Variants in ADGRL3 observed in about 807,000 individuals in gnomAD.
ADGRL3 encodes the protein adhesion G protein-coupled receptor L3.
A neutral mutation model predicts 153.5 loss-of-function variants in ADGRL3; 62 were observed. The observed-to-expected ratio is 0.40, with a 90% CI of 0.33 to 0.50. ADGRL3 has a LOEUF of 0.50. Ranked by LOEUF, ADGRL3 falls within the 20% of genes least tolerant of loss-of-function variation. ADGRL3 has a pLI of 0.47. For missense variants in ADGRL3, 1,641 were observed against 1,859.4 expected (o/e 0.88, Z 2.16); for synonymous variants, 710 against 672.5 (o/e 1.06, Z -0.86).
At chr4:61,367,960 G>T (rs1056650776) in intron 1 of ADGRL3, among the ~76,000 whole-genome samples, 358 of 151,170 alleles carry the variant, frequency 2.4e-3, no homozygotes, top group Non-Finnish European at 4.3e-3. Flanking sequence ...TCTCATTGTG[G>T]TTTCGATTTG....
chr4:61,475,630 CTTTGT>C (rs1354563834), intron 2 of ADGRL3, among the ~76,000 whole-genome samples: 2 of 151,888 alleles, frequency 1.3e-5, no homozygotes, highest in African/African-American at 2.4e-5. Context: ...CTTACATTTT[CTTTGT>C]TTTATCAAAC....
intron 1 of ADGRL3, among the ~76,000 whole-genome samples, chr4:61,287,094 G>A (rs1578126114): frequency 2.0e-5 from 3 of 151,574 alleles, no homozygotes; most frequent in South Asian, 2.1e-4. Context: ...TCAATATGTA[G>A]AAGATTCCAT....
chr4:61,717,441 G>C (rs2096143315), intron 6 of ADGRL3, among the ~76,000 whole-genome samples: 1 of 152,030 alleles, frequency 6.6e-6, no homozygotes, highest in South Asian at 2.1e-4. Flanking sequence ...ATAAACCTTG[G>C]AGCCAGATTG....
chr4:62,070,649 C>T lies in ADGRL3; in HGVS notation c.4373C>T (p.Thr1458Ile). Residue 1458 changes from threonine (T) to isoleucine (I), a missense_variant, in exon 27 of 27, where the codon ACA (threonine) becomes ATA (isoleucine). Physicochemically the swap from Thr to Ile is moderately conservative, Grantham distance 89. This residue lies in a region of ADGRL3 where 517 missense variants were observed against 555.0 expected (regional missense o/e 0.93). Coordinates refer to ENST00000683033, the MANE Select transcript of ADGRL3 (RefSeq NM_001387552.1). ...HRDSLYTSMP[T>I]LAGVAATESV... ...GACTCTCTCTATACCAGCATGCCGA[C>T]ACTGGCTGGTGTGGCCGCCACAGAG... 1.3e-6 allele frequency: 2 copies of T among 1,551,530 alleles called. No homozygotes were observed. The highest frequency in any genetic ancestry group is 1.7e-6 in the Non-Finnish European group (2 of 1,146,972).
chr4:61,440,976 A>G lies in ADGRL3; in HGVS notation c.-173-56145A>G, dbSNP rs776881096. ...TTTGTAACTATGAAGTGGCAGAACC[A>G]ATAGCTGAATACAGGTCTCTGAGAG... On this transcript the variant is annotated intron_variant, in intron 2 of 26. Transcript: ENST00000683033. Among the ~76,000 whole-genome samples the G allele has an allele frequency of 1.6e-4, 24 of 152,198 alleles. No individual in the cohort carries two copies. In the East Asian group the frequency reaches 1.7e-3, roughly 11 times the overall value.
intron 9 of ADGRL3, among the ~76,000 whole-genome samples, chr4:61,845,558 G>A (rs2098106674): frequency 6.8e-6 from 1 of 148,024 alleles, no homozygotes; most frequent in African/African-American, 2.5e-5. Flanking sequence ...AGAGACAGCA[G>A]TCTTACTATG....
At chr4:61,875,131 A>G (rs951661221) in intron 9 of ADGRL3, among the ~76,000 whole-genome samples, 4 of 152,104 alleles carry the variant, frequency 2.6e-5, no homozygotes, top group African/African-American at 9.7e-5. Context: ...TATAGTCAAC[A>G]CACAAAATTG....
At chr4:61,558,910 A>G (rs1290984886) in intron 4 of ADGRL3, among the ~76,000 whole-genome samples, 2 of 152,100 alleles carry the variant, frequency 1.3e-5, no homozygotes, top group Non-Finnish European at 2.9e-5. Flanking sequence ...CATTGGGCAG[A>G]TGACTTAAAC....
In ADGRL3 at chr4:61,463,380, G is replaced by T. The variant is rs561998942; in HGVS notation, c.-173-33741G>T. 1.5e-4 allele frequency among the ~76,000 whole-genome samples: 23 copies of T among 152,262 alleles called. 1 individual carries two copies. In the South Asian group the frequency reaches 4.8e-3, roughly 32 times the overall value. ...ATGGCAGAAGGCGAAGGGGAAGCAA[G>T]CACATCTTCACATGGCAAAGCAGCA... is the stretch of plus-strand genomic sequence containing the variant. On this transcript the variant is annotated intron_variant, in intron 2 of 26. Coordinates refer to ENST00000683033, the MANE Select transcript of ADGRL3 (RefSeq NM_001387552.1).
intron 8 of ADGRL3, among the ~76,000 whole-genome samples, chr4:61,784,569 GA>G (rs2097255424): frequency 6.6e-6 from 1 of 152,114 alleles, no homozygotes; most frequent in Non-Finnish European, 1.5e-5. Flanking sequence ...TATGGGGTGT[GA>G]AAGATGAATG....
chr4:61,960,930 G>C lies in ADGRL3; in HGVS notation c.2805+12654G>C, dbSNP rs1007053718. Among the ~76,000 whole-genome samples the C allele has an allele frequency of 3.3e-5, 5 of 152,008 alleles. No individual in the cohort carries two copies. The East Asian group carries it at 9.7e-4, about 29-fold the overall frequency. ...TCACCATTTTGGCCAGGAGGGTTTC[G>C]ATCTCTTGACCTCATGATCTGCCCG... On this transcript the variant is annotated intron_variant, in intron 17 of 26. Transcript: ENST00000683033.
At chr4:61,422,880 G>T (rs1434566829) in intron 2 of ADGRL3, among the ~76,000 whole-genome samples, 2 of 151,830 alleles carry the variant, frequency 1.3e-5, no homozygotes, top group African/African-American at 4.8e-5. Flanking sequence ...TATAAATGGT[G>T]GGTTGCTATC....
At chr4:62,006,015 T>C (rs1190884366) in intron 21 of ADGRL3, among the ~76,000 whole-genome samples, 82 of 98,394 alleles carry the variant, frequency 8.3e-4, no homozygotes, top group African/African-American at 2.9e-3. Flanking sequence ...TATATATATA[T>C]ATATATATAT....
In ADGRL3 at chr4:61,410,038, A is replaced by G. The variant is rs2097064891; in HGVS notation, c.-174+26849A>G. Among the ~76,000 whole-genome samples the G allele has an allele frequency of 2.6e-5, 4 of 152,054 alleles. No individual in the cohort carries two copies. The South Asian group carries it at 8.3e-4, about 32-fold the overall frequency. ...CTCCTCTAAAGAAACAAATCAAACCAAAAACTGCTTAAATTATTACTTTGG... is the reference window on the plus strand; with the variant it reads ...CTCCTCTAAAGAAACAAATCAAACCGAAAACTGCTTAAATTATTACTTTGG... On this transcript the variant is annotated intron_variant, in intron 2 of 26. Coordinates refer to ENST00000683033, the MANE Select transcript of ADGRL3 (RefSeq NM_001387552.1).
rs149472429 is a variant in ADGRL3, at chr4:61,726,210, G to GTTTTTTTTCTTTTTTTTTTTTTT, written c.584-4406_584-4405insTTCTTTTTTTTTTTTTTTTTTTT. On this transcript the variant is annotated intron_variant, in intron 6 of 26. Transcript: ENST00000683033. ...AATACTCACTGGAACTTTTTTTTTT[G>GTTTTTTTTCTTTTTTTTTTTTTT]TTTTTTGAGAAGGAGTCTCACCCTG... 1.7e-5 allele frequency among the ~76,000 whole-genome samples: 2 copies of GTTTTTTTTCTTTTTTTTTTTTTT among 118,480 alleles called. 1 individual carries two copies. The highest frequency in any genetic ancestry group is 3.4e-5 in the Non-Finnish European group (2 of 58,150). The allele number at this position is 118,480 out of a possible 152,430, so 77.7% of individuals were successfully genotyped here.
intron 21 of ADGRL3, among the ~76,000 whole-genome samples, chr4:62,010,712 T>TTAATTAATTGTAAAAA (rs2099181876): frequency 3.9e-5 from 6 of 151,940 alleles, no homozygotes; most frequent in Non-Finnish European, 8.8e-5. Context: ...AAAGGGAACA[T>TTAATTAATTGTAAAAA]TTAATTATTG....
At chr4:61,471,999 A>C (rs962538322) in intron 2 of ADGRL3, among the ~76,000 whole-genome samples, 14 of 152,090 alleles carry the variant, frequency 9.2e-5, no homozygotes, top group Non-Finnish European at 1.8e-4. Context: ...TGTATTTAAG[A>C]AACAGTAAGC....
intron 5 of ADGRL3, among the ~76,000 whole-genome samples, chr4:61,672,706 C>T (rs1484068186): frequency 1.3e-5 from 2 of 151,832 alleles, no homozygotes; most frequent in Non-Finnish European, 2.9e-5. Context: ...GGAAGAGAAT[C>T]CTTATATACT....
intron 9 of ADGRL3, among the ~76,000 whole-genome samples, chr4:61,868,437 A>G (rs1171889778): frequency 1.3e-5 from 2 of 152,114 alleles, no homozygotes; most frequent in African/African-American, 2.4e-5. Context: ...AGATCTACAT[A>G]TCTAGCCCAA....
Sources: allele counts gnomAD v4.1 joint callset (sites outside exome capture counted in the v4.1 genomes callset), GRCh38; gene constraint gnomAD v4.1.1; regional missense constraint gnomAD v4.1.1; transcripts MANE v1.5; gene names NCBI Gene and HGNC (gene_info 2026-07-23, HGNC 2026-07-21).